The following EPHB1 variants were observed in gnomAD, a reference collection of about 807,000 sequenced individuals.
EPHB1 encodes ephrin type-B receptor 1.
A neutral mutation model predicts 94.4 loss-of-function variants in EPHB1; 30 were observed. That is an observed-to-expected ratio of 0.32 (90% confidence interval 0.24 to 0.43). EPHB1 has a LOEUF of 0.43. Among genes scored for constraint, EPHB1 ranks in the 20% least tolerant of loss-of-function variants. The pLI is 1.00. For missense variants in EPHB1, 1,055 were observed against 1,308.3 expected (o/e 0.81, Z 2.99); for synonymous variants, 522 against 489.1 (o/e 1.07, Z -0.89).
At chr3:134,804,573 A>G (rs1331751829) in intron 1 of EPHB1, among the ~76,000 whole-genome samples, 1 of 152,164 alleles carries the variant, frequency 6.6e-6, no homozygotes, top group African/African-American at 2.4e-5. Flanking sequence ...GGGAGGAATC[A>G]GGGCACAGCG....
At chr3:134,921,024 C>T (rs562977308) in intron 1 of EPHB1, among the ~76,000 whole-genome samples, 1 of 152,244 alleles carries the variant, frequency 6.6e-6, no homozygotes, top group East Asian at 1.9e-4. Flanking sequence ...GCTGGGATTA[C>T]AGGTGCACGC....
At chr3:135,161,798 TC>T (rs761068235) in intron 6 of EPHB1, among the ~76,000 whole-genome samples, 16 of 152,164 alleles carry the variant, frequency 1.1e-4, no homozygotes, top group Non-Finnish European at 2.2e-4. Flanking sequence ...GCCCCTTTTT[TC>T]AGAGTGTGGC....
chr3:135,101,098 A>G (rs1444886795), intron 3 of EPHB1, among the ~76,000 whole-genome samples: 1 of 152,258 alleles, frequency 6.6e-6, no homozygotes, highest in African/African-American at 2.4e-5. Flanking sequence ...GGTGTTAGAA[A>G]TGTCCAGCCC....
At chr3:134,941,913 G>A (rs778602657) in intron 2 of EPHB1, among the ~76,000 whole-genome samples, 4 of 152,160 alleles carry the variant, frequency 2.6e-5, no homozygotes, top group Non-Finnish European at 4.4e-5. Context: ...CTAGATCTTG[G>A]AGAGACCTGA....
At chr3:135,003,003 C>T (rs1100573) in intron 3 of EPHB1, among the ~76,000 whole-genome samples, 104 of 149,338 alleles carry the variant, frequency 7.0e-4, no homozygotes, top group African/African-American at 1.7e-3. Flanking sequence ...TCTACTAGCT[C>T]TTGAATGTGT....
chr3:135,241,734 G>A (rs1943789031), intron 13 of EPHB1, among the ~76,000 whole-genome samples: 1 of 152,216 alleles, frequency 6.6e-6, no homozygotes, highest in Admixed American at 6.5e-5. Flanking sequence ...TGACGGCTAT[G>A]CTCCATTGAG....
intron 12 of EPHB1, among the ~76,000 whole-genome samples, chr3:135,235,825 T>C (rs1005285138): frequency 6.6e-6 from 1 of 152,130 alleles, no homozygotes; most frequent in Admixed American, 6.5e-5. Context: ...CAAAGGGCAG[T>C]GCTTCAAGGT....
chr3:135,118,486 A>G (rs1939804604), intron 4 of EPHB1, among the ~76,000 whole-genome samples: 1 of 152,190 alleles, frequency 6.6e-6, no homozygotes, highest in South Asian at 2.1e-4. Flanking sequence ...GAAGGGCTAA[A>G]TGACTTGCCC....
chr3:135,033,071 G>T (rs1236804524), intron 3 of EPHB1, among the ~76,000 whole-genome samples: 1 of 152,124 alleles, frequency 6.6e-6, no homozygotes, highest in African/African-American at 2.4e-5. Context: ...GGTGACATTG[G>T]TGGTAAAAGT....
intron 3 of EPHB1, among the ~76,000 whole-genome samples, chr3:135,069,197 T>C (rs1221771622): frequency 1.3e-5 from 2 of 151,848 alleles, no homozygotes. Context: ...GCTTTTTTCA[T>C]TTAGCTCTTT....
chr3:135,017,077 T>C (rs902468796), intron 3 of EPHB1, among the ~76,000 whole-genome samples: 13 of 152,202 alleles, frequency 8.5e-5, no homozygotes, highest in Non-Finnish European at 1.6e-4. Context: ...AGAATGAAAA[T>C]ACGTGATGCT....
At chr3:135,230,262 C>A (rs1240389913) in intron 12 of EPHB1, among the ~76,000 whole-genome samples, 2 of 152,176 alleles carry the variant, frequency 1.3e-5, no homozygotes, top group Non-Finnish European at 2.9e-5. Flanking sequence ...CCCAGAGGGC[C>A]TAGAGGCTCA....
At chr3:135,146,451 C>T in intron 5 of EPHB1, among the ~76,000 whole-genome samples, 1 of 152,208 alleles carries the variant, frequency 6.6e-6, no homozygotes, top group East Asian at 1.9e-4. Context: ...GAGGCAGTGG[C>T]AGGGCCATGG....
In EPHB1 at chr3:135,203,536, C is replaced by T. The variant is rs187231342; in HGVS notation, c.2346+1847C>T. Among the ~76,000 whole-genome samples the T allele has an allele frequency of 1.7e-3, 252 of 152,146 alleles. 1 individual carries two copies. The highest frequency in any genetic ancestry group is 5.4e-3 in the African/African-American group (226 of 41,508). The stretch of plus-strand genomic sequence containing the variant: ...CGGCTAAGAGGCAAAATGAAAGATA[C>T]CATGTAGATAATTATATAACCATTT... On this transcript the variant is annotated intron_variant, in intron 12 of 15. Coordinates refer to ENST00000398015, the MANE Select transcript of EPHB1 (RefSeq NM_004441.5).
chr3:135,136,901 A>G (rs1940639369), intron 5 of EPHB1, among the ~76,000 whole-genome samples: 1 of 151,888 alleles, frequency 6.6e-6, no homozygotes, highest in East Asian at 1.9e-4. Flanking sequence ...ATCAGGTGCA[A>G]CTCTCTCTGT....
chr3:134,995,492 T>C (rs1233700952), intron 3 of EPHB1, among the ~76,000 whole-genome samples: 1 of 152,202 alleles, frequency 6.6e-6, no homozygotes, highest in East Asian at 1.9e-4. Flanking sequence ...TATATTTTGT[T>C]TTCATTTTTC....
chr3:135,159,390 A>G (rs777191836), intron 6 of EPHB1, among the ~76,000 whole-genome samples: 28 of 152,238 alleles, frequency 1.8e-4, no homozygotes, highest in Non-Finnish European at 2.8e-4. Flanking sequence ...TTTTTCAATA[A>G]CAGCTATCCA....
chr3:135,126,222 T>C (rs935825598), intron 4 of EPHB1, among the ~76,000 whole-genome samples: 22 of 152,180 alleles, frequency 1.4e-4, no homozygotes, highest in Non-Finnish European at 3.1e-4. Flanking sequence ...TTGAAGTAAT[T>C]TTTCCAAACT....
intron 13 of EPHB1, among the ~76,000 whole-genome samples, chr3:135,244,499 A>G (rs1000297076): frequency 3.3e-5 from 5 of 152,054 alleles, no homozygotes; most frequent in Non-Finnish European, 7.4e-5. Context: ...TCTGTTTTCA[A>G]CTCTGCTCAG....
Sources: gnomAD v4.1 joint callset for allele counts (sites outside exome capture counted in the v4.1 genomes callset) on GRCh38, gnomAD v4.1.1 for gene constraint, MANE v1.5 for transcripts, NCBI Gene and HGNC (gene_info 2026-07-23, HGNC 2026-07-21) for gene names.